ZNF606: variants seen among roughly 807,000 people sequenced by gnomAD.
ZNF606 encodes the protein zinc finger protein 328.
Under a neutral mutation model 74.9 loss-of-function variants are expected in ZNF606, and 37 were observed. The ratio of observed to expected loss-of-function variants is 0.49; its 90% CI spans 0.38 to 0.65. The LOEUF is 0.65. ZNF606 is among the 30% of genes least tolerant of loss of function. The pLI, the probability that ZNF606 is intolerant of heterozygous loss-of-function variation, is 0.00. For synonymous variants in ZNF606, 328 were observed against 312.4 expected (o/e 1.05, Z -0.53); for missense variants, 852 against 952.9 (o/e 0.89, Z 1.39).
chr19:58,003,143 T>C (rs909996720), upstream of ZNF606: 2 of 433,864 alleles, frequency 4.6e-6, no homozygotes, highest in African/African-American at 4.0e-5. Flanking sequence ...TTCTCAGCGC[T>C]CTCGAGGGAT....
At chr19:57,988,866 C>T in intron 4 of ZNF606, 145 bp from the exon 5 acceptor site, 1 of 1,346,318 alleles carries the variant, frequency 7.4e-7, no homozygotes, top group Non-Finnish European at 1.0e-6. Flanking sequence ...TAATGTGAGT[C>T]AGGTCTCATT....
chr19:57,979,014 T>C lies in ZNF606; in HGVS notation c.1666A>G (p.Ser556Gly). Reference sequence around the variant, plus strand: ...CCAGAATGAGTTCTTTCATGTTTACTAAGGGCTGAGTAGTCCCTAAAAGCT... The same window carrying C: ...CCAGAATGAGTTCTTTCATGTTTACCAAGGGCTGAGTAGTCCCTAAAAGCT... ...EKAFRDYSAL[S>G]KHERTHSGAK... The change falls in exon 7 of 7, where the codon AGT becomes GGT. Residue 556 changes from serine to glycine, a missense_variant. Coordinates refer to ENST00000551380, the MANE Select transcript of ZNF606 (RefSeq NM_001348022.3). The C allele has an allele frequency of 6.2e-7, 1 of 1,614,134 alleles. No homozygotes were observed. The highest frequency in any genetic ancestry group is 8.5e-7 in the Non-Finnish European group (1 of 1,179,998).
upstream of ZNF606, chr19:58,003,146 C>A (rs1288316066): frequency 2.3e-6 from 1 of 437,614 alleles, no homozygotes; most frequent in Non-Finnish European, 4.7e-6. Context: ...TCAGCGCTCT[C>A]GAGGGATCCT....
chr19:57,988,829 ACT>A, intron 4 of ZNF606, 108 bp from the exon 5 acceptor site: 8 of 1,542,962 alleles, frequency 5.2e-6, no homozygotes, highest in Non-Finnish European at 7.0e-6. Flanking sequence ...ATGTAGAGAA[ACT>A]CTCCTGGTTA....
intron 4 of ZNF606, chr19:57,999,592 T>G: frequency 5.8e-6 from 3 of 514,156 alleles, no homozygotes; most frequent in Non-Finnish European, 6.9e-6. Flanking sequence ...CCAGGGAGAG[T>G]TGGAGCTCAG....
Position 57,978,893 on chromosome 19 carries a change from T to A in ZNF606, c.1787A>T (p.Tyr596Phe). 6.2e-7 allele frequency: 1 copy of A among 1,614,032 alleles called. No homozygotes were observed. Among genetic ancestry groups the A allele is most frequent in the East Asian group, 2.2e-5 (1 of 44,874 alleles). Residue 596 changes from tyrosine (Y) to phenylalanine (F), a missense_variant, in exon 7 of 7, where the codon TAT becomes TTT. By Grantham distance (22) the Tyr-to-Phe change is conservative (BLOSUM62 3). This residue lies in a region of ZNF606 where 243 missense variants were observed against 359.2 expected (regional missense o/e 0.68). Transcript: ENST00000551380. This position sits in a 1 kb window ranked among gnomAD's most constrained non-coding sequence, Gnocchi z 4.4. Reference sequence around the variant, plus strand: ...TGCTTTGCCACATTCCTGACAGTTATATGGTTTCTCTCCCGTGTGAGTTCT... The same window carrying A: ...TGCTTTGCCACATTCCTGACAGTTAAATGGTTTCTCTCCCGTGTGAGTTCT... ...HQRTHTGEKP[Y>F]NCQECGKAFR...
chr19:57,991,759 G>T (rs1038904592), intron 4 of ZNF606, among the ~76,000 whole-genome samples: 1 of 150,714 alleles, frequency 6.6e-6, no homozygotes, highest in African/African-American at 2.4e-5. Context: ...CAGCCTGGGC[G>T]ACAGAGTGAA....
At chr19:58,001,965 G>A (rs2073437877) in intron 1 of ZNF606, 4 of 351,216 alleles carry the variant, frequency 1.1e-5, no homozygotes, top group South Asian at 2.1e-5. Context: ...ACTTAGAGAT[G>A]GGCCTGGCGC....
chr19:58,002,289 A>G (rs2073446157), intron 1 of ZNF606, 107 bp downstream of exon 1: 2 of 456,572 alleles, frequency 4.4e-6, no homozygotes, highest in Admixed American at 4.7e-5. Context: ...TCGTCCCATC[A>G]ATGGCCTCAG....
At position 58,002,768 on chromosome 19, in the gene ZNF606, CA is replaced by C. The variant is rs762774580; in HGVS notation, c.-425del. 6 of 454,424 alleles carry C rather than the reference CA, an allele frequency of 1.3e-5. No homozygotes were observed. The highest frequency in any genetic ancestry group is 9.3e-5 in the South Asian group (6 of 64,456). 28.1% of individuals were successfully genotyped at this position (454,424 alleles called of 1,614,324 possible). On this transcript the variant is annotated 5_prime_UTR_variant, in exon 1 of 7. Coordinates refer to ENST00000551380, the MANE Select transcript of ZNF606 (RefSeq NM_001348022.3). ...AGCTACGGCGGCCCCACAGCCTGAG[CA>C]AAGGCCTCACCTCAGCCGCGGACAA...
At chr19:57,990,324 C>G (rs1484783516) in intron 4 of ZNF606, among the ~76,000 whole-genome samples, 1 of 151,086 alleles carries the variant, frequency 6.6e-6, no homozygotes, top group Non-Finnish European at 1.5e-5. Flanking sequence ...GAGATCACAC[C>G]ACTGCAATCC....
rs143432361 is a variant in ZNF606 at position 57,990,248 on chromosome 19, C to T, written c.178-1527G>A. Among the ~76,000 whole-genome samples, 600 of 151,160 alleles carry T rather than the reference C, an allele frequency of 4.0e-3. 3 individuals carry two copies. Among genetic ancestry groups the T allele is most frequent in the Non-Finnish European group, 7.1e-3 (484 of 67,832 alleles). ...GGCGTGGTAGCAGGCACCTGTTGTC[C>T]CAGCTACTCGGGAGGCTGAGGCAGG... On this transcript the variant is annotated intron_variant, in intron 4 of 6. Transcript: ENST00000551380.
chr19:57,989,488 C>A (rs529105038), intron 4 of ZNF606, among the ~76,000 whole-genome samples: 1 of 151,996 alleles, frequency 6.6e-6, no homozygotes, highest in South Asian at 2.1e-4. Flanking sequence ...GCTCTGTCGC[C>A]CAGGCTGGAA....
intron 5 of ZNF606, 72 bp from the exon 6 acceptor site, chr19:57,988,374 T>C: frequency 6.7e-7 from 1 of 1,490,098 alleles, no homozygotes; most frequent in South Asian, 1.2e-5. Context: ...TTCTCTTGCC[T>C]ATTCCTCCCT....
upstream of ZNF606, chr19:58,003,106 CG>C: frequency 4.9e-6 from 2 of 410,032 alleles, no homozygotes; most frequent in South Asian, 3.4e-5. Context: ...CTCGTGGTAC[CG>C]GGTTTCCCGG....
In ZNF606 at chr19:57,988,739, T is replaced by C; in HGVS notation, c.178-18A>G. 1 of 1,613,872 alleles carries C rather than the reference T, an allele frequency of 6.2e-7. No homozygotes were observed. Among genetic ancestry groups the C allele is most frequent in the African/African-American group, 1.3e-5 (1 of 75,022 alleles). The stretch of plus-strand genomic sequence containing the variant: ...ACTGGTTCCTAAAAGAACACAAACG[T>C]TCCTTCTCAGCCTGTGACCACCCCC... On this transcript the variant is annotated intron_variant, in intron 4 of 6. Coordinates refer to ENST00000551380, the MANE Select transcript of ZNF606 (RefSeq NM_001348022.3).
Position 57,999,876 on chromosome 19 carries a change from C to T in ZNF606, c.109G>A (p.Ala37Thr). 1 of 1,613,992 alleles carries T rather than the reference C, an allele frequency of 6.2e-7. No individual in the cohort carries two copies. Among genetic ancestry groups the T allele is most frequent in the Non-Finnish European group, 8.5e-7 (1 of 1,180,032 alleles). ...TCCAGGCTTCCCTCCACGTGCCAGG[C>T]AGGATACTGAGGACACAGAGCTAGG... Reference protein sequence around the residue: ...ASWALCPQYPAWHVEGSLEEG... With the variant: ...ASWALCPQYPTWHVEGSLEEG... The change falls in exon 4 of 7, where the codon GCC becomes ACC. Residue 37 changes from alanine (A) to threonine (T), a missense_variant. Ala to Thr is a moderately conservative substitution (Grantham distance 58). Coordinates refer to ENST00000551380, the MANE Select transcript of ZNF606 (RefSeq NM_001348022.3).
chr19:57,999,330 T>C (rs75947011), intron 4 of ZNF606: 3,355 of 162,274 alleles, frequency 0.021, 138 homozygotes, highest in African/African-American at 0.076. Context: ...CGTCTCAGGT[T>C]TCTCCTGTCC....
intron 6 of ZNF606, among the ~76,000 whole-genome samples, chr19:57,985,558 A>G (rs979832064): frequency 6.6e-5 from 10 of 152,306 alleles, no homozygotes; most frequent in African/African-American, 2.4e-4. Flanking sequence ...AAAAGATAGA[A>G]TGAAAGAGCT....
Sources: allele counts gnomAD v4.1 joint callset (sites outside exome capture counted in the v4.1 genomes callset), GRCh38; gene constraint gnomAD v4.1.1; regional missense constraint gnomAD v4.1.1; non-coding constraint Gnocchi (gnomAD v3.1); transcripts MANE v1.5; gene names NCBI Gene and HGNC (gene_info 2026-07-23, HGNC 2026-07-21).